The following COPG2 variants were observed in gnomAD, a reference collection of about 807,000 sequenced individuals.
COPG2 encodes the protein coatomer subunit gamma-2.
Under a neutral mutation model 46.3 loss-of-function variants are expected in COPG2, and 37 were observed. The ratio of observed to expected loss-of-function variants is 0.80; its 90% CI spans 0.61 to 1.05. The LOEUF (loss-of-function observed/expected upper bound fraction) is 1.05, where lower values mean the gene tolerates loss of function less well. Among genes scored for constraint, COPG2 ranks in the 50% least tolerant of loss-of-function variants. COPG2 has a pLI of 0.00. For synonymous variants in COPG2, 159 were observed against 129.7 expected, an observed-to-expected ratio of 1.23 and a Z score of -1.53; for missense variants, 427 against 387.8, an observed-to-expected ratio of 1.10 and a Z score of -0.85.
chr7:130,575,672 A>C (rs935323875), intron 9 of COPG2, among the ~76,000 whole-genome samples: 60 of 152,324 alleles, frequency 3.9e-4, no homozygotes, highest in African/African-American at 1.3e-3. Context: ...AAAAAACAAA[A>C]AAACCAAAGT....
At chr7:130,588,790 G>A (rs1554448432) in intron 9 of COPG2, among the ~76,000 whole-genome samples, 2 of 150,980 alleles carry the variant, frequency 1.3e-5, no homozygotes, top group African/African-American at 4.9e-5. Flanking sequence ...AAAACTTAAA[G>A]TATAATAATA....
chr7:130,668,599 G>C, intron 1 of COPG2, 33 bp downstream of exon 1: 7 of 1,507,624 alleles, frequency 4.6e-6, no homozygotes, highest in Non-Finnish European at 6.2e-6. Context: ...GCGTCCCGCG[G>C]CTGAGGGTGG....
At chr7:130,593,774 A>T (rs1794476164) in intron 9 of COPG2, among the ~76,000 whole-genome samples, 1 of 150,504 alleles carries the variant, frequency 6.6e-6, no homozygotes, top group African/African-American at 2.4e-5. Context: ...GAAAAAAAAA[A>T]TGAAACAATT....
intron 5 of COPG2, among the ~76,000 whole-genome samples, chr7:130,648,823 T>C (rs1311430742): frequency 1.3e-5 from 2 of 152,224 alleles, no homozygotes; most frequent in African/African-American, 4.8e-5. Context: ...AGCGTGTATT[T>C]AAAGCTGAGT....
intron 20 of COPG2, among the ~76,000 whole-genome samples, chr7:130,531,952 A>G (rs1799830456): frequency 6.6e-6 from 1 of 152,172 alleles, no homozygotes; most frequent in Non-Finnish European, 1.5e-5. Context: ...GGAAAAAATC[A>G]ATCTCTAAAA....
At chr7:130,606,136 G>A (rs1794723791) in intron 9 of COPG2, among the ~76,000 whole-genome samples, 2 of 152,002 alleles carry the variant, frequency 1.3e-5, no homozygotes, top group Non-Finnish European at 2.9e-5. Context: ...TGAGGCATAT[G>A]AATGGCTTGA....
intron 20 of COPG2, among the ~76,000 whole-genome samples, chr7:130,512,795 A>T (rs1401556357): frequency 1.3e-5 from 2 of 152,204 alleles, no homozygotes; most frequent in Non-Finnish European, 1.5e-5. Context: ...CTGACAGTTA[A>T]GATATCGTAG....
intron 9 of COPG2, among the ~76,000 whole-genome samples, chr7:130,583,480 A>G (rs1219805663): frequency 6.3e-5 from 9 of 143,742 alleles, no homozygotes; most frequent in Non-Finnish European, 1.1e-4. Flanking sequence ...CATGTACCCT[A>G]AAACATAAAG....
chr7:130,522,556 G>A (rs998811903), intron 20 of COPG2, among the ~76,000 whole-genome samples: 5 of 152,178 alleles, frequency 3.3e-5, no homozygotes, highest in Admixed American at 3.3e-4. Context: ...AGATCTTTAA[G>A]AGAAATCCTT....
rs146895555 is a variant in COPG2 at position 130,612,725 on chromosome 7, T to C, written c.493-487A>G. 5.0e-3 allele frequency among the ~76,000 whole-genome samples: 755 copies of C among 152,222 alleles called. 4 individuals carry two copies. Among genetic ancestry groups the C allele is most frequent in the African/African-American group, 0.017 (718 of 41,522 alleles). ...GTGATAGGTTTTAATGTATAAATTGTGTTCTGCTGAAAAACGGAAAGAAAA... is the reference window on the plus strand; with the variant it reads ...GTGATAGGTTTTAATGTATAAATTGCGTTCTGCTGAAAAACGGAAAGAAAA... On this transcript the variant is annotated intron_variant, in intron 7 of 23. Transcript: ENST00000425248.
intron 7 of COPG2, among the ~76,000 whole-genome samples, chr7:130,612,465 G>T (rs1794869774): frequency 6.6e-6 from 1 of 152,126 alleles, no homozygotes; most frequent in East Asian, 1.9e-4. Context: ...GGAGAGGTGT[G>T]TAAAAGGAAG....
At chr7:130,564,926 G>A (rs1322097752) in intron 9 of COPG2, among the ~76,000 whole-genome samples, 1 of 152,130 alleles carries the variant, frequency 6.6e-6, no homozygotes, top group East Asian at 1.9e-4. Context: ...CTATGCCCAG[G>A]GAGTTTGTCC....
Position 130,551,301 on chromosome 7 carries a change from A to C in COPG2, c.1588T>G (p.Phe530Val), listed in dbSNP as rs1452910743. 2 of 398,452 alleles carry C rather than the reference A, an allele frequency of 5.0e-6. No homozygotes were observed. The highest frequency in any genetic ancestry group is 4.1e-5 in the African/African-American group (2 of 48,630). 24.7% of individuals were successfully genotyped at this position (398,452 alleles called of 1,614,324 possible). The change falls in exon 16 of 24, where the codon TTC becomes GTC. Residue 530 changes from phenylalanine to valine, a missense_variant. Transcript: ENST00000425248. The stretch of plus-strand genomic sequence containing the variant: ...CTCTGCTGCAGCACATTCAGATAGA[A>C]GGTAGCTCTGTCTCGTACCTCGTCA... Reference protein sequence around the residue: ...TDDEVRDRATFYLNVLQQRQM... With the variant: ...TDDEVRDRATVYLNVLQQRQM...
chr7:130,572,674 G>A (rs1402648279), intron 9 of COPG2, among the ~76,000 whole-genome samples: 1 of 151,924 alleles, frequency 6.6e-6, no homozygotes, highest in East Asian at 1.9e-4. Flanking sequence ...GAATGAAAAT[G>A]AAAACACAAC....
chr7:130,507,603 G>A (rs149110985), intron 22 of COPG2, 82 bp downstream of exon 22: 18 of 674,460 alleles, frequency 2.7e-5, no homozygotes, highest in African/African-American at 1.5e-4. Context: ...TTTTTTTAAA[G>A]GAGTTCTTCT....
At chr7:130,666,987 G>T in intron 2 of COPG2, 58 bp from the exon 3 acceptor site, 1 of 900,954 alleles carries the variant, frequency 1.1e-6, no homozygotes, top group Non-Finnish European at 1.7e-6. Flanking sequence ...ACAGATTATA[G>T]CAAATCAACT....
chr7:130,523,531 GC>G (rs1365898453), intron 20 of COPG2, among the ~76,000 whole-genome samples: 7 of 152,162 alleles, frequency 4.6e-5, no homozygotes, highest in African/African-American at 1.7e-4. Flanking sequence ...GCTGATGGAG[GC>G]CATCAGGGTC....
chr7:130,564,434 TAGAG>T (rs1445834181), intron 9 of COPG2, 41 bp from the exon 10 acceptor site: 105 of 398,426 alleles, frequency 2.6e-4, no homozygotes, highest in Non-Finnish European at 4.2e-4. Flanking sequence ...AGATATCAAA[TAGAG>T]AGGCAATATG....
intron 12 of COPG2, among the ~76,000 whole-genome samples, chr7:130,559,059 C>T (rs1460698269): frequency 1.3e-5 from 2 of 151,556 alleles, no homozygotes; most frequent in African/African-American, 4.8e-5. Context: ...ATATGACTAC[C>T]TAAAAAAAAT....
Sources: allele counts gnomAD v4.1 joint callset (sites outside exome capture counted in the v4.1 genomes callset), GRCh38; gene constraint gnomAD v4.1.1; transcripts MANE v1.5; gene names NCBI Gene and HGNC (gene_info 2026-07-23, HGNC 2026-07-21).